The following PGM5 variants were observed in gnomAD, a reference collection of about 807,000 sequenced individuals.
PGM5 encodes phosphoglucomutase 5, also known as phosphoglucomutase-like protein 5.
PGM5 carries 23 observed loss-of-function variants against 59.2 expected under a neutral mutation model. The ratio of observed to expected loss-of-function variants is 0.39; its 90% confidence interval spans 0.28 to 0.55. The LOEUF (loss-of-function observed/expected upper bound fraction) is 0.55. Among genes scored for constraint, PGM5 ranks in the 20% least tolerant of loss-of-function variants. PGM5 has a pLI of 0.66. For missense variants in PGM5, 574 were observed against 748.3 expected, an observed-to-expected ratio of 0.77 and a Z score of 2.72; for synonymous variants, 214 against 286.0, an observed-to-expected ratio of 0.75 and a Z score of 2.54.
chr9:68,482,186 A>G (rs1469645556), intron 8 of PGM5, among the ~76,000 whole-genome samples: 2 of 152,084 alleles, frequency 1.3e-5, no homozygotes, highest in Non-Finnish European at 2.9e-5. Flanking sequence ...TCAACCCTAG[A>G]CTGAACGTGA....
intron 6 of PGM5, among the ~76,000 whole-genome samples, chr9:68,451,236 C>T (rs782361589): frequency 2.6e-5 from 4 of 152,152 alleles, no homozygotes; most frequent in Non-Finnish European, 4.4e-5. Flanking sequence ...TGAAGACATC[C>T]GCAATGCCAA....
chr9:68,449,862 A>T (rs183707143), intron 6 of PGM5, among the ~76,000 whole-genome samples: 8 of 152,318 alleles, frequency 5.3e-5, no homozygotes, highest in Admixed American at 3.9e-4. Flanking sequence ...TAAGAGTGCA[A>T]CTTCAAACCC....
chr9:68,459,035 T>C (rs1823819700), intron 6 of PGM5, among the ~76,000 whole-genome samples: 1 of 152,182 alleles, frequency 6.6e-6, no homozygotes, highest in Non-Finnish European at 1.5e-5. Flanking sequence ...ATTGAAGAGC[T>C]AACTTGAGGG....
rs368413139 is a variant in PGM5 at position 68,504,352 on chromosome 9, G to C, written c.1614+4991G>C. On this transcript the variant is annotated intron_variant, in intron 10 of 10. Coordinates refer to ENST00000396396, the MANE Select transcript of PGM5 (RefSeq NM_021965.4). The stretch of plus-strand genomic sequence containing the variant: ...ACATGTTAGACCACCTCATAGCTCT[G>C]ATAGAATCCTCCCCTCCACCTCATT... Among the ~76,000 whole-genome samples, 80 of 152,238 alleles carry C rather than the reference G, an allele frequency of 5.3e-4. 1 individual carries two copies. In the South Asian group the frequency reaches 0.012, roughly 23 times the overall value.
At chr9:68,361,682 A>G (rs1342770905) in intron 1 of PGM5, among the ~76,000 whole-genome samples, 4 of 152,208 alleles carry the variant, frequency 2.6e-5, no homozygotes, top group Admixed American at 2.6e-4. Context: ...AATTCCAATC[A>G]TGAGGGCTCT....
At chr9:68,512,239 G>A (rs1418099923) in intron 10 of PGM5, among the ~76,000 whole-genome samples, 4 of 152,382 alleles carry the variant, frequency 2.6e-5, no homozygotes, top group Admixed American at 1.3e-4. Flanking sequence ...GATGCCTGAA[G>A]TTTCTTTGAC....
chr9:68,361,586 C>T (rs1366988157), intron 1 of PGM5, among the ~76,000 whole-genome samples: 3 of 152,248 alleles, frequency 2.0e-5, no homozygotes, highest in Non-Finnish European at 4.4e-5. Flanking sequence ...GACCAACTTT[C>T]TGGTTCATAG....
In PGM5 at chr9:68,363,810, TTCC is replaced by T. The variant is rs1380754394; in HGVS notation, c.261+6425_261+6427del. 2.0e-4 allele frequency among the ~76,000 whole-genome samples: 31 copies of T among 152,356 alleles called. No individual in the cohort carries two copies. The South Asian group carries it at 6.4e-3, about 32-fold the overall frequency. On this transcript the variant is annotated intron_variant, in intron 1 of 10. Coordinates refer to ENST00000396396, the MANE Select transcript of PGM5 (RefSeq NM_021965.4). ...CTTGAAATACCCAGAAACCACTTGT[TTCC>T]TCATCTAAAAATCAGGTATGACAGG...
At chr9:68,462,157 CT>C (rs1823867003) in intron 6 of PGM5, among the ~76,000 whole-genome samples, 1 of 151,994 alleles carries the variant, frequency 6.6e-6, no homozygotes, top group Admixed American at 6.6e-5. Context: ...CCCAGGTTAC[CT>C]TTCTTTTTTT....
At chr9:68,361,847 A>G (rs1424154457) in intron 1 of PGM5, among the ~76,000 whole-genome samples, 2 of 151,988 alleles carry the variant, frequency 1.3e-5, no homozygotes, top group African/African-American at 4.8e-5. Flanking sequence ...TTTAAAGACT[A>G]TTTCATAGGC....
At chr9:68,489,707 T>A (rs1183073135) in intron 9 of PGM5, among the ~76,000 whole-genome samples, 3 of 152,074 alleles carry the variant, frequency 2.0e-5, no homozygotes, top group Non-Finnish European at 1.5e-5. Context: ...CCTCAAGTGA[T>A]CCGCCCACCT....
chr9:68,372,080 C>A (rs1163889418), intron 1 of PGM5, among the ~76,000 whole-genome samples: 5 of 152,150 alleles, frequency 3.3e-5, no homozygotes, highest in Non-Finnish European at 7.4e-5. Flanking sequence ...TTTGTTATAG[C>A]AGCCTTGTGA....
At chr9:68,381,897 A>C (rs1179934017) in intron 2 of PGM5, among the ~76,000 whole-genome samples, 2 of 151,994 alleles carry the variant, frequency 1.3e-5, no homozygotes, top group Non-Finnish European at 2.9e-5. Flanking sequence ...AAATAAATAG[A>C]TATCCTGTGC....
At chr9:68,508,839 T>C (rs1824699179) in intron 10 of PGM5, among the ~76,000 whole-genome samples, 2 of 152,248 alleles carry the variant, frequency 1.3e-5, no homozygotes, top group Admixed American at 1.3e-4. Context: ...CCAGGTCTCA[T>C]GAACTGGTGG....
intron 4 of PGM5, among the ~76,000 whole-genome samples, chr9:68,389,445 T>G (rs1822311373): frequency 2.6e-5 from 4 of 152,088 alleles, no homozygotes; most frequent in Admixed American, 2.0e-4. Flanking sequence ...ATCTGCTTTC[T>G]GCCCCCATAG....
chr9:68,403,473 TCC>T (rs1822719869), intron 6 of PGM5, among the ~76,000 whole-genome samples: 2 of 152,320 alleles, frequency 1.3e-5, no homozygotes, highest in East Asian at 3.9e-4. Context: ...AAAATTGTCT[TCC>T]ACAAAACCGG....
chr9:68,396,847 G>A (rs1300733444), intron 6 of PGM5: 3 of 152,094 alleles, frequency 2.0e-5, no homozygotes, highest in African/African-American at 7.2e-5. Context: ...GCCCATAAAT[G>A]CCAGGCCCTG....
intron 6 of PGM5, chr9:68,429,211 A>G (rs1554682871): frequency 6.6e-6 from 1 of 152,240 alleles, no homozygotes; most frequent in Non-Finnish European, 1.5e-5. Context: ...TTTCGTATGT[A>G]TTAGTTACTA....
At chr9:68,503,117 T>C (rs1824604317) in intron 10 of PGM5, among the ~76,000 whole-genome samples, 1 of 152,196 alleles carries the variant, frequency 6.6e-6, no homozygotes, top group Non-Finnish European at 1.5e-5. Flanking sequence ...CTGTTCTTAA[T>C]AAGACTTTGT....
Sources: gnomAD v4.1 joint callset for allele counts (sites outside exome capture counted in the v4.1 genomes callset) on GRCh38, gnomAD v4.1.1 for gene constraint, MANE v1.5 for transcripts, NCBI Gene and HGNC (gene_info 2026-07-23, HGNC 2026-07-21) for gene names.